Variants in ETV1 observed in about 807,000 individuals in gnomAD.
The protein encoded by ETV1 is ETS variant transcription factor 1.
In ETV1, 27 loss-of-function variants were observed where a neutral mutation model predicts 62.3. The ratio of observed to expected loss-of-function variants is 0.43; its 90% CI spans 0.32 to 0.60. The LOEUF (loss-of-function observed/expected upper bound fraction) is 0.60, where lower values mean the gene tolerates loss of function less well. Ranked by LOEUF, ETV1 falls within the 20% of genes least tolerant of loss-of-function variation. ETV1 has a pLI of 0.06. For missense variants in ETV1, 605 were observed against 605.8 expected, an observed-to-expected ratio of 1.00 and a Z score of 0.01; for synonymous variants, 222 against 199.6, an observed-to-expected ratio of 1.11 and a Z score of -0.94.
At chr7:13,977,812 G>T (rs1196647749) in intron 5 of ETV1, among the ~76,000 whole-genome samples, 1 of 151,974 alleles carries the variant, frequency 6.6e-6, no homozygotes, top group African/African-American at 2.4e-5. Flanking sequence ...TTTTTTTCAA[G>T]AATAGAGCAA....
intron 9 of ETV1, among the ~76,000 whole-genome samples, chr7:13,925,717 C>T (rs539562080): frequency 7.3e-5 from 11 of 150,018 alleles, no homozygotes; most frequent in African/African-American, 2.7e-4. Flanking sequence ...AGGGACCCGC[C>T]ACTGCGCCCG....
chr7:13,931,827 T>A (rs1786214707), intron 8 of ETV1, 78 bp from the exon 9 acceptor site: 2 of 1,546,106 alleles, frequency 1.3e-6, no homozygotes, highest in Non-Finnish European at 1.8e-6. Context: ...GTTTTCCATT[T>A]CTTAGTGAAC....
intron 9 of ETV1, among the ~76,000 whole-genome samples, chr7:13,921,119 A>T (rs899418642): frequency 6.6e-6 from 1 of 152,172 alleles, no homozygotes; most frequent in Non-Finnish European, 1.5e-5. Flanking sequence ...CCTACACTTG[A>T]ATTTCTTTAA....
chr7:13,965,385 C>G (rs1342685792), intron 6 of ETV1, among the ~76,000 whole-genome samples: 7 of 152,148 alleles, frequency 4.6e-5, no homozygotes, highest in Non-Finnish European at 8.8e-5. Context: ...CTCTCTTCAT[C>G]TATCATACCT....
At chr7:13,954,625 T>C (rs1789206263) in intron 6 of ETV1, among the ~76,000 whole-genome samples, 1 of 152,226 alleles carries the variant, frequency 6.6e-6, no homozygotes, top group Admixed American at 6.5e-5. Context: ...TCATTTCACA[T>C]ACTTTTCTTC....
intron 6 of ETV1, among the ~76,000 whole-genome samples, chr7:13,966,285 C>T (rs570388455): frequency 6.6e-6 from 1 of 152,168 alleles, no homozygotes; most frequent in East Asian, 1.9e-4. Context: ...AGCCATCATC[C>T]ACTAGGGAAT....
At chr7:13,914,136 C>A (rs1016933048) in intron 9 of ETV1, among the ~76,000 whole-genome samples, 1 of 151,734 alleles carries the variant, frequency 6.6e-6, no homozygotes, top group African/African-American at 2.4e-5. Flanking sequence ...CCACCCGCCT[C>A]GGCCTCCCAA....
chr7:13,985,568 C>T (rs1262055041), intron 5 of ETV1: 5 of 153,358 alleles, frequency 3.3e-5, no homozygotes, highest in African/African-American at 1.2e-4. Context: ...TACAGTAACA[C>T]CTGGGTTCCA....
chr7:13,979,757 G>A (rs1445633182), intron 5 of ETV1, among the ~76,000 whole-genome samples: 1 of 152,042 alleles, frequency 6.6e-6, no homozygotes, highest in Non-Finnish European at 1.5e-5. Flanking sequence ...CCCTTTACAG[G>A]AAAAGTTAAA....
intron 6 of ETV1, among the ~76,000 whole-genome samples, chr7:13,965,115 C>A (rs1186634460): frequency 1.3e-5 from 2 of 152,150 alleles, no homozygotes; most frequent in South Asian, 2.1e-4. Context: ...GAAAAATACA[C>A]CATGTCTGAA....
At chr7:13,988,280 T>C in intron 3 of ETV1, 107 bp from the exon 4 acceptor site, 1 of 702,610 alleles carries the variant, frequency 1.4e-6, no homozygotes, top group Non-Finnish European at 2.5e-6. Context: ...ATAAGTCTAA[T>C]GGATCTTCTC....
In ETV1 at chr7:13,939,739, A is replaced by C. The variant is rs537659235; in HGVS notation, c.236-493T>G. Among the ~76,000 whole-genome samples, 7 of 152,336 alleles carry C rather than the reference A, an allele frequency of 4.6e-5. No individual in the cohort carries two copies. The South Asian group carries it at 8.3e-4, about 18-fold the overall frequency. ...GCAAAGAAAATCCAGGCGCAGGTCC[A>C]GAAGTGACTGATATTACTTTGGGCA... On this transcript the variant is annotated intron_variant, in intron 6 of 13. Transcript: ENST00000430479.
chr7:13,939,005 G>A, intron 7 of ETV1, 112 bp downstream of exon 7: 1 of 1,023,874 alleles, frequency 9.8e-7, no homozygotes, highest in Non-Finnish European at 1.5e-6. Flanking sequence ...TAATTAGCTT[G>A]TTACATATTA....
At position 13,918,853 on chromosome 7, in the gene ETV1, AC is replaced by A. The variant is rs377576024; in HGVS notation, c.803-7547del. 6.5e-3 allele frequency among the ~76,000 whole-genome samples: 898 copies of A among 137,612 alleles called. 71 individuals carry two copies. In the East Asian group the frequency reaches 0.17, roughly 26 times the overall value. The allele number at this position is 137,612 out of a possible 152,430, so 90.3% of individuals were successfully genotyped here. A position where few individuals can be genotyped will look rare whatever the true frequency, so the allele number is the denominator to read the frequency against. ...ACTAACCTGCACAATGTGCACATGT[AC>A]CCTAAAACTTAAAGTATAATAAAAA... On this transcript the variant is annotated intron_variant, in intron 9 of 13. Transcript: ENST00000430479.
At chr7:13,921,523 G>C (rs1784847730) in intron 9 of ETV1, among the ~76,000 whole-genome samples, 1 of 152,140 alleles carries the variant, frequency 6.6e-6, no homozygotes, top group Non-Finnish European at 1.5e-5. Context: ...TGAGAAAAAA[G>C]TTGCAGTAAA....
intron 6 of ETV1, among the ~76,000 whole-genome samples, chr7:13,946,147 A>T (rs1204649920): frequency 6.6e-6 from 1 of 152,192 alleles, no homozygotes; most frequent in Non-Finnish European, 1.5e-5. Flanking sequence ...AAATGATATT[A>T]TATTTTTTAT....
At position 13,988,112 on chromosome 7, in the gene ETV1, T is replaced by C. The variant is rs1782714424; in HGVS notation, c.107A>G (p.Asn36Ser). 6.2e-7 allele frequency: 1 copy of C among 1,612,606 alleles called. No homozygotes were observed. Among genetic ancestry groups the C allele is most frequent in the African/African-American group, 1.3e-5 (1 of 74,888 alleles). The change falls in exon 4 of 14, where the codon AAC becomes AGC. Residue 36 changes from asparagine to serine, a missense_variant. Physicochemically the swap from Asn to Ser is conservative, Grantham distance 46. This residue lies in a region of ETV1 where 426 missense variants were observed against 377.8 expected (regional missense o/e 1.13). Coordinates refer to ENST00000430479, the MANE Select transcript of ETV1 (RefSeq NM_004956.5). ...TTCTGAATCATGAGCCAGATCTCTGTTAATGAATTTTCTTTTCCTGACATT... is the reference window on the plus strand; with the variant it reads ...TTCTGAATCATGAGCCAGATCTCTGCTAATGAATTTTCTTTTCCTGACATT... ...PTNVRKRKFI[N>S]RDLAHDSEEL...
intron 3 of ETV1, chr7:13,988,595 G>GAAAAAAAAAAA (rs34468165): frequency 1.4e-5 from 11 of 811,084 alleles, no homozygotes; most frequent in Admixed American, 1.7e-4. Flanking sequence ...GTAGAGAAAT[G>GAAAAAAAAAAA]AAAAAAAAAA....
At chr7:13,966,630 G>C (rs62454617) in intron 6 of ETV1, among the ~76,000 whole-genome samples, 3,750 of 152,176 alleles carry the variant, frequency 0.025, 50 homozygotes, top group Middle Eastern at 0.041. Flanking sequence ...CTGGGCGACA[G>C]AGTGAGACCC....
Sources: gnomAD v4.1 joint callset for allele counts (sites outside exome capture counted in the v4.1 genomes callset) on GRCh38, gnomAD v4.1.1 for gene constraint, gnomAD v4.1.1 regional missense constraint, MANE v1.5 for transcripts, NCBI Gene and HGNC (gene_info 2026-07-23, HGNC 2026-07-21) for gene names.